Variants in LIN28B observed in about 807,000 individuals in gnomAD.
LIN28B encodes the protein lin-28 RNA binding posttranscriptional regulator B.
A neutral mutation model predicts 21.9 loss-of-function variants in LIN28B; 5 were observed. The ratio of observed to expected loss-of-function variants is 0.23; its 90% CI spans 0.12 to 0.48. LIN28B has a LOEUF of 0.48. Among genes scored for constraint, LIN28B ranks in the 20% least tolerant of loss-of-function variants. The pLI is 0.98. For synonymous variants in LIN28B, 109 were observed against 111.3 expected (o/e 0.98, Z 0.13); for missense variants, 245 against 310.5 (o/e 0.79, Z 1.58).
chr6:104,947,882 A>G (rs1778175490), intron 2 of LIN28B, among the ~76,000 whole-genome samples: 2 of 152,086 alleles, frequency 1.3e-5, no homozygotes, highest in South Asian at 4.1e-4. Context: ...CCAGAATTAT[A>G]ATAATGAGCT....
intron 2 of LIN28B, among the ~76,000 whole-genome samples, chr6:104,975,860 A>G (rs1157998595): frequency 1.1e-5 from 1 of 88,022 alleles, no homozygotes. Context: ...TTTTTTTTGT[A>G]GAGTTGGGGT....
chr6:105,039,510 A>G (rs1267214038), intron 3 of LIN28B, among the ~76,000 whole-genome samples: 1 of 152,130 alleles, frequency 6.6e-6, no homozygotes, highest in Admixed American at 6.6e-5. Flanking sequence ...TACTCCATCT[A>G]TATTAATTTT....
intron 3 of LIN28B, among the ~76,000 whole-genome samples, chr6:105,047,477 C>T (rs1253958329): frequency 6.6e-6 from 1 of 152,108 alleles, no homozygotes; most frequent in East Asian, 1.9e-4. Flanking sequence ...GTTCTTTTGG[C>T]TTAGGGTTAT....
chr6:104,988,841 A>C (rs1246736888), intron 2 of LIN28B, among the ~76,000 whole-genome samples: 3 of 152,184 alleles, frequency 2.0e-5, no homozygotes, highest in Non-Finnish European at 4.4e-5. Flanking sequence ...GGCCTCCCAA[A>C]GTGCTGGGAT....
chr6:105,017,970 T>C (rs557797238), intron 2 of LIN28B, among the ~76,000 whole-genome samples: 1 of 152,304 alleles, frequency 6.6e-6, no homozygotes, highest in South Asian at 2.1e-4. Flanking sequence ...GTGCTTAAGA[T>C]GTCAATCAAA....
At chr6:104,973,392 G>GA (rs1770019086) in intron 2 of LIN28B, among the ~76,000 whole-genome samples, 1 of 152,080 alleles carries the variant, frequency 6.6e-6, no homozygotes, top group African/African-American at 2.4e-5. Context: ...ATTGAATAAT[G>GA]AAATTACCCA....
At chr6:104,958,832 T>C (rs1469779389) in intron 2 of LIN28B, among the ~76,000 whole-genome samples, 1 of 152,304 alleles carries the variant, frequency 6.6e-6, no homozygotes, top group Admixed American at 6.5e-5. Context: ...AGAACACTGT[T>C]GGCCTAATGT....
intron 2 of LIN28B, among the ~76,000 whole-genome samples, chr6:104,991,904 G>A (rs943873142): frequency 8.6e-5 from 13 of 151,986 alleles, no homozygotes; most frequent in Non-Finnish European, 1.6e-4. Flanking sequence ...GCAGGCACTC[G>A]CAGGCTGAGG....
rs545556939 is a variant in LIN28B at position 105,079,996 on chromosome 6, C to A, written c.*1213C>A. On this transcript the variant is annotated 3_prime_UTR_variant, in exon 4 of 4. Coordinates refer to ENST00000345080, the MANE Select transcript of LIN28B (RefSeq NM_001004317.4). ...AGTGACAAGCCTGGGGCAGAGGTAC[C>A]AAACCTCTCCCACCAGAGAGCTAGA... 1 of 152,206 alleles carries A rather than the reference C, an allele frequency of 6.6e-6. No individual in the cohort carries two copies. Among genetic ancestry groups the A allele is most frequent in the Non-Finnish European group, 1.5e-5 (1 of 68,004 alleles). 9.4% of individuals were successfully genotyped at this position (152,206 alleles called of 1,614,324 possible).
intron 3 of LIN28B, among the ~76,000 whole-genome samples, chr6:105,049,454 G>C (rs1177517170): frequency 6.6e-6 from 1 of 152,212 alleles, no homozygotes; most frequent in Admixed American, 6.5e-5. Flanking sequence ...AGTGTGATGT[G>C]GTGCTGAGAA....
chr6:105,011,046 C>T (rs1049070187), intron 2 of LIN28B, among the ~76,000 whole-genome samples: 1 of 152,166 alleles, frequency 6.6e-6, no homozygotes, highest in Non-Finnish European at 1.5e-5. Context: ...TGCTGCATCT[C>T]TTGTGAGTGA....
intron 2 of LIN28B, among the ~76,000 whole-genome samples, chr6:104,984,799 T>G (rs184730169): frequency 1.2e-3 from 179 of 152,340 alleles, no homozygotes; most frequent in Non-Finnish European, 1.9e-3. Context: ...AGAACTTTAT[T>G]CATTGAGAAT....
At chr6:105,029,300 T>A (rs1771367414) in intron 3 of LIN28B, among the ~76,000 whole-genome samples, 1 of 152,190 alleles carries the variant, frequency 6.6e-6, no homozygotes. Flanking sequence ...AATGGTCTAG[T>A]GCAAAGGAAA....
At position 104,968,375 on chromosome 6, in the gene LIN28B, AAT is replaced by A. The variant is rs1289676339; in HGVS notation, c.198+10092_198+10093del. The stretch of plus-strand genomic sequence containing the variant: ...TGCAATGATTTCTCAGTAGTATTAA[AAT>A]ATGTTTTTCACATTTCATGTGGAGA... On this transcript the variant is annotated intron_variant, in intron 2 of 3. Transcript: ENST00000345080. Among the ~76,000 whole-genome samples, 6 of 152,322 alleles carry A rather than the reference AAT, an allele frequency of 3.9e-5. No homozygotes were observed. In the South Asian group the frequency reaches 6.2e-4, roughly 16 times the overall value.
At chr6:105,075,130 T>A (rs558207569) in intron 3 of LIN28B, among the ~76,000 whole-genome samples, 2 of 152,342 alleles carry the variant, frequency 1.3e-5, no homozygotes, top group Admixed American at 1.3e-4. Context: ...TATAATAAAG[T>A]ATGAGTATAG....
At chr6:105,015,686 A>G (rs564623586) in intron 2 of LIN28B, among the ~76,000 whole-genome samples, 6 of 152,262 alleles carry the variant, frequency 3.9e-5, no homozygotes, top group African/African-American at 1.4e-4. Flanking sequence ...TCAGTTACAC[A>G]TTTTTGCATT....
rs1772571649 is a variant in LIN28B, at chr6:105,083,256, T to C, written c.*4473T>C. 6.6e-6 allele frequency: 1 copy of C among 152,446 alleles called. No homozygotes were observed. The highest frequency in any genetic ancestry group is 1.5e-5 in the Non-Finnish European group (1 of 68,048). 9.4% of individuals were successfully genotyped at this position (152,446 alleles called of 1,614,324 possible). ...TATTCTCATTTCATGCCTAATGTCTTATTCTGTCAATTATGGATATGTTGA... is the reference window on the plus strand; with the variant it reads ...TATTCTCATTTCATGCCTAATGTCTCATTCTGTCAATTATGGATATGTTGA... On this transcript the variant is annotated 3_prime_UTR_variant, in exon 4 of 4. Transcript: ENST00000345080.
chr6:105,006,606 C>G (rs955311295), intron 2 of LIN28B, among the ~76,000 whole-genome samples: 1 of 152,180 alleles, frequency 6.6e-6, no homozygotes, highest in African/African-American at 2.4e-5. Context: ...GCCACCGCGC[C>G]CAGCCTAGAT....
At chr6:104,994,279 C>T (rs1488276792) in intron 2 of LIN28B, among the ~76,000 whole-genome samples, 1 of 152,256 alleles carries the variant, frequency 6.6e-6, no homozygotes, top group Non-Finnish European at 1.5e-5. Flanking sequence ...GCTGGGATTA[C>T]AGGCGTGAGC....
Sources: gnomAD v4.1 joint callset for allele counts (sites outside exome capture counted in the v4.1 genomes callset) on GRCh38, gnomAD v4.1.1 for gene constraint, MANE v1.5 for transcripts, NCBI Gene and HGNC (gene_info 2026-07-23, HGNC 2026-07-21) for gene names.